Variants in L3MBTL4 observed in about 807,000 individuals in gnomAD.
The protein encoded by L3MBTL4 is L3MBTL histone methyl-lysine binding protein 4, also known as lethal(3)malignant brain tumor-like protein 4.
L3MBTL4 carries 70 observed loss-of-function variants against 84.5 expected under a neutral mutation model. The observed-to-expected ratio is 0.83, with a 90% CI of 0.68 to 1.01. The LOEUF is 1.01. L3MBTL4 is among the 50% of genes least tolerant of loss of function. L3MBTL4 has a pLI of 0.00. For missense variants in L3MBTL4, 715 were observed against 754.8 expected (o/e 0.95, Z 0.62); for synonymous variants, 274 against 259.8 (o/e 1.05, Z -0.52).
At chr18:6,312,651 C>A (rs1475459700) in intron 1 of L3MBTL4, among the ~76,000 whole-genome samples, 1 of 152,176 alleles carries the variant, frequency 6.6e-6, no homozygotes, top group African/African-American at 2.4e-5. Flanking sequence ...TTTTCTCATT[C>A]AAACAATACT....
chr18:6,230,371 T>C (rs75296397), intron 10 of L3MBTL4, among the ~76,000 whole-genome samples: 2,545 of 152,274 alleles, frequency 0.017, 64 homozygotes, highest in African/African-American at 0.057. Flanking sequence ...CTTAGGATAA[T>C]GGTCTCCAGC....
chr18:6,108,814 CA>C (rs1322320475), intron 14 of L3MBTL4, among the ~76,000 whole-genome samples: 11 of 152,010 alleles, frequency 7.2e-5, no homozygotes, highest in Middle Eastern at 3.4e-3. Context: ...AAAAATAACA[CA>C]AAAAAACAAA....
chr18:6,022,175 T>C (rs966439821), intron 16 of L3MBTL4, among the ~76,000 whole-genome samples: 1 of 152,234 alleles, frequency 6.6e-6, no homozygotes, highest in Non-Finnish European at 1.5e-5. Context: ...TTGTGGTTAA[T>C]AGCATCACCA....
chr18:6,003,067 T>TAAAAAAGGATA (rs1567970908), intron 16 of L3MBTL4, among the ~76,000 whole-genome samples: 11 of 110,588 alleles, frequency 9.9e-5, no homozygotes, highest in East Asian at 3.5e-4. Flanking sequence ...AGTATCTCTA[T>TAAAAAAGGATA]TTATAGAGAT....
chr18:6,290,432 T>A (rs1480851446), intron 4 of L3MBTL4, among the ~76,000 whole-genome samples: 2 of 152,220 alleles, frequency 1.3e-5, no homozygotes, highest in Admixed American at 1.3e-4. Flanking sequence ...GTTTTCCATT[T>A]AATTCTCTGT....
At chr18:6,000,437 G>T (rs990304040) in intron 16 of L3MBTL4, among the ~76,000 whole-genome samples, 2 of 152,140 alleles carry the variant, frequency 1.3e-5, no homozygotes, top group African/African-American at 2.4e-5. Context: ...CGAAGGAGCA[G>T]AAAGGGAGAA....
chr18:6,265,704 A>G (rs940110308), intron 4 of L3MBTL4, among the ~76,000 whole-genome samples: 24 of 152,288 alleles, frequency 1.6e-4, no homozygotes, highest in African/African-American at 5.5e-4. Context: ...GCACAGTGAA[A>G]TAAGTTAGGC....
intron 4 of L3MBTL4, among the ~76,000 whole-genome samples, chr18:6,290,985 T>C (rs976169486): frequency 6.6e-6 from 1 of 152,164 alleles, no homozygotes; most frequent in Non-Finnish European, 1.5e-5. Context: ...GAACAAGTCT[T>C]GTGCCTGATG....
intron 12 of L3MBTL4, among the ~76,000 whole-genome samples, chr18:6,185,593 C>T (rs1468617049): frequency 6.6e-6 from 1 of 152,144 alleles, no homozygotes; most frequent in Admixed American, 6.5e-5. Flanking sequence ...CCTCTCAACC[C>T]TGCCCAAACG....
chr18:6,019,951 G>C (rs139519613), intron 16 of L3MBTL4, among the ~76,000 whole-genome samples: 1 of 152,096 alleles, frequency 6.6e-6, no homozygotes, highest in East Asian at 1.9e-4. Context: ...CCATCTCTGC[G>C]TTCCCAGGGT....
chr18:6,361,365 C>T (rs2053686615), intron 1 of L3MBTL4, among the ~76,000 whole-genome samples: 1 of 152,148 alleles, frequency 6.6e-6, no homozygotes, highest in Admixed American at 6.5e-5. Flanking sequence ...CTGTGTCTCC[C>T]CACCGCCGTC....
chr18:6,113,971 T>C (rs995098110), intron 14 of L3MBTL4, among the ~76,000 whole-genome samples: 1 of 152,204 alleles, frequency 6.6e-6, no homozygotes, highest in Non-Finnish European at 1.5e-5. Context: ...AATCCTTCCC[T>C]CTCGTCCTTC....
Position 6,237,987 on chromosome 18 carries a change from C to T in L3MBTL4, c.761G>A (p.Gly254Glu). Residue 254 changes from glycine to glutamate, a missense_variant, in exon 10 of 19, where the codon GGA (glycine) becomes GAA (glutamate). Transcript: ENST00000317931. ...VQPVGWCQEN[G>E]RTLIAPQGYP... ...ACCTTGGGGTGCTATCAGAGTTCTT[C>T]CATTCTCCTGACACCAACCAACTGG... 1 of 1,614,120 alleles carries T rather than the reference C, an allele frequency of 6.2e-7. No homozygotes were observed. Among genetic ancestry groups the T allele is most frequent in the South Asian group, 1.1e-5 (1 of 91,080 alleles).
At chr18:5,970,919 C>T (rs767145866) in intron 16 of L3MBTL4, among the ~76,000 whole-genome samples, 2 of 152,214 alleles carry the variant, frequency 1.3e-5, no homozygotes, top group Non-Finnish European at 2.9e-5. Flanking sequence ...ACACCACTCT[C>T]GTGGATCGGA....
intron 16 of L3MBTL4, among the ~76,000 whole-genome samples, chr18:6,036,768 A>G (rs2056159536): frequency 6.6e-6 from 1 of 152,178 alleles, no homozygotes; most frequent in African/African-American, 2.4e-5. Flanking sequence ...CTAATTTTTT[A>G]TATTTAAAAT....
At chr18:6,088,616 T>C (rs2058338410) in intron 15 of L3MBTL4, among the ~76,000 whole-genome samples, 1 of 151,486 alleles carries the variant, frequency 6.6e-6, no homozygotes, top group South Asian at 2.1e-4. Context: ...TGAGAGAAAG[T>C]GAAATTGAGG....
intron 5 of L3MBTL4, among the ~76,000 whole-genome samples, chr18:6,263,495 A>G (rs963810721): frequency 6.6e-6 from 1 of 152,148 alleles, no homozygotes; most frequent in East Asian, 1.9e-4. Context: ...CAGGGGTTTC[A>G]ATGTCTTCTC....
At chr18:6,146,539 C>A (rs929727445) in intron 13 of L3MBTL4, among the ~76,000 whole-genome samples, 7 of 152,200 alleles carry the variant, frequency 4.6e-5, no homozygotes. Context: ...GCCAGGCTGC[C>A]AGGCCTGCGG....
Position 6,219,497 on chromosome 18 carries a change from T to TAGAA in L3MBTL4, c.785-3663_785-3662insTTCT, listed in dbSNP as rs1318162900. On this transcript the variant is annotated intron_variant, in intron 10 of 18. Transcript: ENST00000317931. ...CACAGCCACAGCTTGGACCTCATTCTTTAGGTCCAAGCTGTGGCTGTGGGC... is the reference window on the plus strand; with the variant it reads ...CACAGCCACAGCTTGGACCTCATTCTAGAATTAGGTCCAAGCTGTGGCTGTGGGC... 9.3e-3 allele frequency among the ~76,000 whole-genome samples: 1,309 copies of TAGAA among 141,280 alleles called. 22 individuals carry two copies. The highest frequency in any genetic ancestry group is 0.031 in the African/African-American group (1,200 of 39,148). The allele number at this position is 141,280 out of a possible 152,430, so 92.7% of individuals were successfully genotyped here. A position where few individuals can be genotyped will look rare whatever the true frequency, so the allele number is the denominator to read the frequency against.
Sources: gnomAD v4.1 joint callset for allele counts (sites outside exome capture counted in the v4.1 genomes callset) on GRCh38, gnomAD v4.1.1 for gene constraint, MANE v1.5 for transcripts, NCBI Gene and HGNC (gene_info 2026-07-23, HGNC 2026-07-21) for gene names.